Variants in SKAP1 observed in about 807,000 individuals in gnomAD.
SKAP1 encodes the protein src kinase-associated phosphoprotein 1.
SKAP1 carries 44 observed loss-of-function variants against 58.5 expected under a neutral mutation model. The ratio of observed to expected loss-of-function variants is 0.75; its 90% CI spans 0.59 to 0.97. The LOEUF (loss-of-function observed/expected upper bound fraction) is 0.97, where lower values mean the gene tolerates loss of function less well. SKAP1 is among the 50% of genes least tolerant of loss of function. The pLI, the probability that SKAP1 is intolerant of heterozygous loss-of-function variation, is 0.00. For synonymous variants in SKAP1, 127 were observed against 149.7 expected (o/e 0.85, Z 1.11); for missense variants, 390 against 435.2 (o/e 0.90, Z 0.92).
chr17:48,406,955 A>G (rs1189010714), intron 1 of SKAP1, among the ~76,000 whole-genome samples: 2 of 152,178 alleles, frequency 1.3e-5, no homozygotes, highest in Non-Finnish European at 2.9e-5. Flanking sequence ...CTCCTGCCTC[A>G]GCTCCTAAAG....
intron 4 of SKAP1, 111 bp from the exon 5 acceptor site, chr17:48,189,611 T>C: frequency 1.5e-6 from 1 of 676,088 alleles, no homozygotes; most frequent in South Asian, 1.9e-5. Context: ...GGCAATTGCT[T>C]AAACACAGTA....
intron 4 of SKAP1, among the ~76,000 whole-genome samples, chr17:48,240,194 C>T (rs2065230766): frequency 6.6e-6 from 1 of 151,518 alleles, no homozygotes; most frequent in African/African-American, 2.4e-5. Flanking sequence ...AAAAAAAAGC[C>T]AAAGCTGCAA....
chr17:48,392,278 G>A (rs575933102), intron 2 of SKAP1, among the ~76,000 whole-genome samples: 20 of 152,308 alleles, frequency 1.3e-4, no homozygotes, highest in African/African-American at 3.6e-4. Context: ...ACCCACAAAT[G>A]AGACACGTTC....
intron 4 of SKAP1, among the ~76,000 whole-genome samples, chr17:48,328,894 A>G (rs542925260): frequency 8.4e-4 from 128 of 152,072 alleles, no homozygotes; most frequent in African/African-American, 3.1e-3. Flanking sequence ...CTGAAATACT[A>G]TTTTCAGGTA....
rs550786162 is a variant in SKAP1, at chr17:48,152,002, T to C, written c.978+10467A>G. Among the ~76,000 whole-genome samples the C allele has an allele frequency of 1.3e-4, 20 of 152,338 alleles. No homozygotes were observed. The South Asian group carries it at 3.3e-3, about 25-fold the overall frequency. ...TACAGATTTTCACTCAAAATTAATATGTAGAGTAAAAGGATTTTTGTTCAA... is the reference window on the plus strand; with the variant it reads ...TACAGATTTTCACTCAAAATTAATACGTAGAGTAAAAGGATTTTTGTTCAA... On this transcript the variant is annotated intron_variant, in intron 11 of 12. Transcript: ENST00000336915.
intron 1 of SKAP1, among the ~76,000 whole-genome samples, chr17:48,407,662 C>T (rs2067605040): frequency 6.6e-6 from 1 of 152,056 alleles, no homozygotes; most frequent in African/African-American, 2.4e-5. Flanking sequence ...GGTTCGAGAC[C>T]AGCGTGGGCA....
intron 4 of SKAP1, among the ~76,000 whole-genome samples, chr17:48,277,134 T>C (rs2065710683): frequency 6.6e-6 from 1 of 152,248 alleles, no homozygotes; most frequent in South Asian, 2.1e-4. Context: ...AATGATCTCA[T>C]TTACTTAATA....
intron 9 of SKAP1, among the ~76,000 whole-genome samples, chr17:48,177,574 C>T (rs2064307926): frequency 6.6e-6 from 1 of 151,986 alleles, no homozygotes; most frequent in Non-Finnish European, 1.5e-5. Flanking sequence ...GTCTCATGTG[C>T]CGCTGCTTGG....
intron 4 of SKAP1, among the ~76,000 whole-genome samples, chr17:48,291,007 C>T (rs981490954): frequency 1.3e-5 from 2 of 151,884 alleles, no homozygotes; most frequent in Non-Finnish European, 1.5e-5. Flanking sequence ...TGGTGGCATG[C>T]GCCTGTAATC....
At chr17:48,443,877 T>C in the SKAP1 span, among the ~76,000 whole-genome samples, 1 of 152,184 alleles carries the variant, frequency 6.6e-6, no homozygotes, top group Non-Finnish European at 1.5e-5. Context: ...CTTGGAATCA[T>C]CAATTATTAA....
At chr17:48,339,264 T>A (rs1419309738) in intron 4 of SKAP1, among the ~76,000 whole-genome samples, 3 of 152,214 alleles carry the variant, frequency 2.0e-5, no homozygotes, top group Admixed American at 1.3e-4. Flanking sequence ...AAAGCAGTTG[T>A]CTGAAGAATA....
chr17:48,432,212 C>T (rs1221623422), upstream of SKAP1, among the ~76,000 whole-genome samples: 3 of 152,154 alleles, frequency 2.0e-5, no homozygotes, highest in Admixed American at 6.5e-5. Flanking sequence ...AGGCGGATCA[C>T]GAGGTCAGGA....
chr17:48,431,744 C>T (rs2067918248), upstream of SKAP1, among the ~76,000 whole-genome samples: 1 of 151,948 alleles, frequency 6.6e-6, no homozygotes, highest in Non-Finnish European at 1.5e-5. Flanking sequence ...ACTCAACCTA[C>T]AGAATATGTA....
chr17:48,366,477 G>C (rs1009309007), intron 2 of SKAP1, among the ~76,000 whole-genome samples: 1 of 151,928 alleles, frequency 6.6e-6, no homozygotes, highest in African/African-American at 2.4e-5. Flanking sequence ...GGTAGGAAGG[G>C]GCAGAGGACG....
intron 11 of SKAP1, among the ~76,000 whole-genome samples, chr17:48,142,695 G>A (rs1161389246): frequency 1.3e-5 from 2 of 152,196 alleles, no homozygotes; most frequent in Non-Finnish European, 2.9e-5. Context: ...AATGCCACAA[G>A]AAGTGAGACT....
At chr17:48,236,868 T>G (rs2065186516) in intron 4 of SKAP1, among the ~76,000 whole-genome samples, 1 of 152,206 alleles carries the variant, frequency 6.6e-6, no homozygotes, top group African/African-American at 2.4e-5. Context: ...TAGTAATATC[T>G]ACTCTATTGT....
chr17:48,172,400 C>A (rs1197453081), intron 9 of SKAP1, among the ~76,000 whole-genome samples: 1 of 152,134 alleles, frequency 6.6e-6, no homozygotes, highest in Admixed American at 6.5e-5. Flanking sequence ...GGTTTCATCT[C>A]GTCACATTAC....
chr17:48,216,340 A>G (rs1450088037), intron 4 of SKAP1, among the ~76,000 whole-genome samples: 2 of 152,202 alleles, frequency 1.3e-5, no homozygotes, highest in East Asian at 3.8e-4. Context: ...CTGAGATTCT[A>G]TCTTGACAAC....
At chr17:48,192,604 G>C (rs939674465) in intron 4 of SKAP1, among the ~76,000 whole-genome samples, 3 of 152,170 alleles carry the variant, frequency 2.0e-5, no homozygotes, top group Non-Finnish European at 4.4e-5. Flanking sequence ...AAGACTCCAG[G>C]CCCCAGCGGG....
Sources: allele counts gnomAD v4.1 joint callset (sites outside exome capture counted in the v4.1 genomes callset), GRCh38; gene constraint gnomAD v4.1.1; transcripts MANE v1.5; gene names NCBI Gene and HGNC (gene_info 2026-07-23, HGNC 2026-07-21).